Variants in TRDN observed in about 807,000 individuals in gnomAD.
TRDN encodes triadin in skeletal muscle.
In TRDN, 161 loss-of-function variants were observed where a neutral mutation model predicts 149.7. The observed-to-expected ratio is 1.08, with a 90% CI of 0.95 to 1.23. TRDN has a LOEUF of 1.23. Ranked by LOEUF, TRDN falls within the 50% of genes most tolerant of loss-of-function variation. The pLI, the probability that TRDN is intolerant of heterozygous loss-of-function variation, is 0.00. For synonymous variants in TRDN, 294 were observed against 250.5 expected (o/e 1.17, Z -1.64); for missense variants, 896 against 823.5 (o/e 1.09, Z -1.08).
intron 7 of TRDN, among the ~76,000 whole-genome samples, chr6:123,504,336 T>C (rs558853297): frequency 2.0e-5 from 3 of 152,144 alleles, no homozygotes; most frequent in Non-Finnish European, 4.4e-5. Flanking sequence ...GCTTGATAAC[T>C]GAAAGATCTT....
chr6:123,531,568 T>C (rs193108791), intron 4 of TRDN, among the ~76,000 whole-genome samples: 157 of 152,244 alleles, frequency 1.0e-3, no homozygotes, highest in African/African-American at 3.3e-3. Flanking sequence ...GTTTTCTTCC[T>C]AATTTTTCTC....
chr6:123,235,839 G>A (rs1476509339), intron 38 of TRDN, among the ~76,000 whole-genome samples: 2 of 152,052 alleles, frequency 1.3e-5, no homozygotes, highest in Non-Finnish European at 2.9e-5. Context: ...AAGAAATAAC[G>A]TATTTGAATT....
At chr6:123,280,652 C>CT (rs34195939) in intron 24 of TRDN, among the ~76,000 whole-genome samples, 100,728 of 135,440 alleles carry the variant, frequency 0.74, 37,950 homozygotes, top group Non-Finnish European at 0.81. Context: ...TCTTTTCTTT[C>CT]TTTTTTTTTT....
At chr6:123,415,747 A>T (rs1309296894) in intron 12 of TRDN, among the ~76,000 whole-genome samples, 3 of 152,206 alleles carry the variant, frequency 2.0e-5, no homozygotes, top group Admixed American at 6.5e-5. Context: ...ATAAGTAGAC[A>T]TTAGGCTAAT....
At chr6:123,450,554 T>A (rs1270749061) in intron 10 of TRDN, among the ~76,000 whole-genome samples, 1 of 152,026 alleles carries the variant, frequency 6.6e-6, no homozygotes, top group Non-Finnish European at 1.5e-5. Flanking sequence ...AATATTGCAA[T>A]CCTAAATATA....
At chr6:123,230,226 T>C (rs1264008223) in intron 38 of TRDN, among the ~76,000 whole-genome samples, 4 of 152,020 alleles carry the variant, frequency 2.6e-5, no homozygotes, top group Non-Finnish European at 4.4e-5. Context: ...GATGATTTCA[T>C]GTCGTTTGTA....
chr6:123,407,997 C>T (rs1199210666), intron 12 of TRDN, among the ~76,000 whole-genome samples: 1 of 152,164 alleles, frequency 6.6e-6, no homozygotes, highest in Non-Finnish European at 1.5e-5. Context: ...AATCTTGCTC[C>T]ACCAATTTCT....
intron 4 of TRDN, among the ~76,000 whole-genome samples, chr6:123,539,632 G>A (rs1216536679): frequency 6.6e-6 from 1 of 152,182 alleles, no homozygotes; most frequent in African/African-American, 2.4e-5. Flanking sequence ...GATATGTTCA[G>A]ATGATGAGCA....
At chr6:123,254,558 C>A (rs551333772) in intron 37 of TRDN, among the ~76,000 whole-genome samples, 38 of 151,756 alleles carry the variant, frequency 2.5e-4, no homozygotes. Flanking sequence ...TTAGTATAAA[C>A]GTTATTTACA....
chr6:123,576,307 A>G (rs1018941713), intron 1 of TRDN, among the ~76,000 whole-genome samples: 2 of 152,114 alleles, frequency 1.3e-5, no homozygotes, highest in Admixed American at 1.3e-4. Context: ...TAGTGTTTAC[A>G]AAATGTAAAC....
At chr6:123,482,182 A>C (rs1027211452) in intron 9 of TRDN, among the ~76,000 whole-genome samples, 2 of 152,220 alleles carry the variant, frequency 1.3e-5, no homozygotes, top group African/African-American at 4.8e-5. Flanking sequence ...GCCAATTAAA[A>C]AGAAATCTGG....
intron 38 of TRDN, among the ~76,000 whole-genome samples, chr6:123,242,702 G>C (rs1335877313): frequency 6.6e-6 from 1 of 152,106 alleles, no homozygotes; most frequent in Non-Finnish European, 1.5e-5. Flanking sequence ...GTAGCAGTCT[G>C]TCTGGCTGTG....
At chr6:123,473,743 C>T (rs989136819) in intron 9 of TRDN, among the ~76,000 whole-genome samples, 4 of 151,920 alleles carry the variant, frequency 2.6e-5, no homozygotes, top group Non-Finnish European at 5.9e-5. Context: ...AACAGCGGAT[C>T]TCTCGGCAGA....
At chr6:123,496,097 A>T (rs1419798029) in intron 9 of TRDN, among the ~76,000 whole-genome samples, 1 of 146,590 alleles carries the variant, frequency 6.8e-6, no homozygotes, top group Non-Finnish European at 1.5e-5. Context: ...TTAATATATA[A>T]TATATATAAT....
intron 12 of TRDN, among the ~76,000 whole-genome samples, chr6:123,406,275 T>C (rs902262621): frequency 2.0e-5 from 3 of 152,248 alleles, no homozygotes; most frequent in East Asian, 1.9e-4. Context: ...GTATCTCCAA[T>C]ATACTGAAAA....
chr6:123,544,246 T>TACACACACAC (rs71021453), intron 4 of TRDN, among the ~76,000 whole-genome samples: 46 of 144,324 alleles, frequency 3.2e-4, no homozygotes, highest in East Asian at 2.4e-3. Context: ...CATCTGTACA[T>TACACACACAC]ACACACACAC....
intron 9 of TRDN, among the ~76,000 whole-genome samples, chr6:123,479,892 T>C (rs1403872940): frequency 6.6e-6 from 1 of 152,134 alleles, no homozygotes; most frequent in Non-Finnish European, 1.5e-5. Context: ...GAAGACATTA[T>C]TGAGGGGCAT....
intron 2 of TRDN, among the ~76,000 whole-genome samples, chr6:123,551,609 AC>A (rs1049029041): frequency 1.3e-5 from 2 of 152,066 alleles, no homozygotes; most frequent in African/African-American, 4.8e-5. Context: ...ACAGTCAGAC[AC>A]CATTATAAAA....
chr6:123,288,229 C>T (rs575156780), intron 24 of TRDN, among the ~76,000 whole-genome samples: 3 of 152,058 alleles, frequency 2.0e-5, no homozygotes, highest in East Asian at 1.9e-4. Flanking sequence ...ACAGTGTATA[C>T]ATAAAATCAA....
Sources: allele counts gnomAD v4.1 joint callset (sites outside exome capture counted in the v4.1 genomes callset), GRCh38; gene constraint gnomAD v4.1.1; transcripts MANE v1.5; gene names NCBI Gene and HGNC (gene_info 2026-07-23, HGNC 2026-07-21).